The following RBFOX1 variants were observed in gnomAD, a reference collection of about 807,000 sequenced individuals.
The protein encoded by RBFOX1 is RNA binding protein fox-1 homolog 1.
Under a neutral mutation model 57.7 loss-of-function variants are expected in RBFOX1, and 8 were observed. That is an observed-to-expected ratio of 0.14 (90% CI 0.08 to 0.25). The LOEUF (loss-of-function observed/expected upper bound fraction) is 0.25. RBFOX1 is among the 10% of genes least tolerant of loss of function. The pLI is 1.00. For synonymous variants in RBFOX1, 326 were observed against 222.4 expected (o/e 1.47, Z -4.15); for missense variants, 611 against 548.5 (o/e 1.11, Z -1.14).
chr16:7,036,317 A>G (rs1052132089), intron 3 of RBFOX1, among the ~76,000 whole-genome samples: 2 of 152,134 alleles, frequency 1.3e-5, no homozygotes, highest in Non-Finnish European at 2.9e-5. Flanking sequence ...TTTCAGAAGC[A>G]GTAGCCAATT....
rs59540537 is a variant in RBFOX1, at chr16:7,618,506, C to T, written c.676+11168C>T. Among the ~76,000 whole-genome samples the T allele has an allele frequency of 5.6e-3, 845 of 151,988 alleles. 16 individuals carry two copies. Among genetic ancestry groups the T allele is most frequent in the East Asian group, 0.04 (208 of 5,160 alleles). ...TAAATCTTTTAAGAAAGTAAATTAC[C>T]AGCGATTTCAAACGCAAGGTGACAT... is the stretch of plus-strand genomic sequence containing the variant. On this transcript the variant is annotated intron_variant, in intron 10 of 15. Coordinates refer to ENST00000550418, the MANE Select transcript of RBFOX1 (RefSeq NM_018723.4).
At chr16:6,457,062 A>G (rs987104245) in intron 2 of RBFOX1, among the ~76,000 whole-genome samples, 1 of 152,176 alleles carries the variant, frequency 6.6e-6, no homozygotes, top group East Asian at 1.9e-4. Flanking sequence ...GCCTTGGAGT[A>G]TAAACAGGTT....
At chr16:5,566,570 A>G (rs1218260822) in intron 2 of RBFOX1, among the ~76,000 whole-genome samples, 1 of 150,416 alleles carries the variant, frequency 6.6e-6, no homozygotes, top group Non-Finnish European at 1.5e-5. Context: ...GAAAGTAGTT[A>G]TATATATATA....
intron 5 of RBFOX1, among the ~76,000 whole-genome samples, chr16:7,553,258 G>A (rs887375715): frequency 1.1e-4 from 17 of 152,106 alleles, no homozygotes; most frequent in Admixed American, 7.9e-4. Context: ...TATCTTCCCA[G>A]GTCAGCCTCT....
rs2042852717 is a variant in RBFOX1, at chr16:5,492,068, C to T, written c.258+24814C>T. On this transcript the variant is annotated intron_variant, in intron 2 of 2. Transcript: ENST00000585867. ...TGCCTGGGAGCTTGTTGGAACTGCA[C>T]ACTCTCGGGCTCTGTCCTAGACCTA... 2.0e-5 allele frequency among the ~76,000 whole-genome samples: 3 copies of T among 152,286 alleles called. No individual in the cohort carries two copies. The South Asian group carries it at 6.2e-4, about 32-fold the overall frequency.
chr16:7,062,892 C>G (rs1278777653), intron 4 of RBFOX1, among the ~76,000 whole-genome samples: 1 of 59,932 alleles, frequency 1.7e-5, no homozygotes, highest in African/African-American at 5.4e-5. Context: ...AAATGATCGC[C>G]ATTTTTTTTT....
chr16:6,113,264 G>C (rs1406134440), intron 1 of RBFOX1, among the ~76,000 whole-genome samples: 4 of 152,154 alleles, frequency 2.6e-5, no homozygotes, highest in African/African-American at 9.7e-5. Context: ...ATTGCAAAAG[G>C]GCATTTTAAG....
At chr16:7,676,455 T>C (rs1340783127) in intron 13 of RBFOX1, among the ~76,000 whole-genome samples, 1 of 152,170 alleles carries the variant, frequency 6.6e-6, no homozygotes, top group Non-Finnish European at 1.5e-5. Context: ...ATAAAGAGTA[T>C]TTAAATAATT....
At chr16:6,002,844 C>T (rs969045127) in intron 4 of RBFOX1, among the ~76,000 whole-genome samples, 4 of 151,634 alleles carry the variant, frequency 2.6e-5, no homozygotes, top group Non-Finnish European at 5.9e-5. Flanking sequence ...TGTGGACTCC[C>T]ATAGGGTTGT....
intron 1 of RBFOX1, among the ~76,000 whole-genome samples, chr16:6,094,826 G>T (rs1286723110): frequency 6.6e-6 from 1 of 152,240 alleles, no homozygotes; most frequent in African/African-American, 2.4e-5. Flanking sequence ...CACCTTGGGA[G>T]GCTGAGGCGG....
chr16:5,919,880 C>G (rs150674000), intron 4 of RBFOX1, among the ~76,000 whole-genome samples: 12 of 152,324 alleles, frequency 7.9e-5, no homozygotes, highest in Middle Eastern at 6.8e-3. Context: ...CCCTTTCTCT[C>G]TGCCTTTTTT....
At chr16:7,188,373 T>A (rs1029856283) in intron 4 of RBFOX1, among the ~76,000 whole-genome samples, 1 of 152,248 alleles carries the variant, frequency 6.6e-6, no homozygotes, top group Admixed American at 6.5e-5. Flanking sequence ...ATTTTCTGAA[T>A]GGGGTTTTAT....
chr16:6,767,828 C>T (rs969827764), intron 3 of RBFOX1, among the ~76,000 whole-genome samples: 7 of 151,474 alleles, frequency 4.6e-5, no homozygotes, highest in African/African-American at 1.5e-4. Flanking sequence ...GCAGGAGAAT[C>T]GCTTGAACCC....
In RBFOX1 at chr16:7,067,446, CT is replaced by C. The variant is rs780323330; in HGVS notation, c.27+15362del. The stretch of plus-strand genomic sequence containing the variant: ...CTTTTGGAGGCTCTAGGAGAGAATC[CT>C]TTTTTTTTTTTTTATCATTCTGATT... On this transcript the variant is annotated intron_variant, in intron 4 of 15. Transcript: ENST00000550418. 4.8e-3 allele frequency among the ~76,000 whole-genome samples: 674 copies of C among 141,396 alleles called. 1 individual carries two copies. Among genetic ancestry groups the C allele is most frequent in the East Asian group, 5.2e-3 (25 of 4,844 alleles). 92.8% of individuals were successfully genotyped at this position (141,396 alleles called of 152,430 possible). A position where few individuals can be genotyped will look rare whatever the true frequency, so the allele number is the denominator to read the frequency against.
intron 4 of RBFOX1, among the ~76,000 whole-genome samples, chr16:7,344,939 T>C (rs1198811409): frequency 6.6e-6 from 1 of 152,034 alleles, no homozygotes; most frequent in Non-Finnish European, 1.5e-5. Context: ...GATCAGTTTT[T>C]CCCCCACTGT....
intron 3 of RBFOX1, among the ~76,000 whole-genome samples, chr16:6,845,795 C>G (rs1041703507): frequency 1.3e-5 from 2 of 152,188 alleles, no homozygotes; most frequent in Admixed American, 1.3e-4. Context: ...AAGTAAGGCT[C>G]TTTCATATTT....
intron 1 of RBFOX1, among the ~76,000 whole-genome samples, chr16:6,026,075 A>T (rs760618936): frequency 1.3e-5 from 2 of 152,006 alleles, no homozygotes; most frequent in South Asian, 2.1e-4. Flanking sequence ...TCAGGTTACA[A>T]CTCAAAAGCC....
chr16:5,845,443 C>G (rs2056731391), intron 3 of RBFOX1, among the ~76,000 whole-genome samples: 2 of 152,126 alleles, frequency 1.3e-5, no homozygotes, highest in Non-Finnish European at 2.9e-5. Context: ...TTTCAGATCT[C>G]AGTTTATTTC....
intron 4 of RBFOX1, among the ~76,000 whole-genome samples, chr16:6,011,702 CATGT>C (rs1427771645): frequency 6.6e-6 from 1 of 152,202 alleles, no homozygotes; most frequent in Non-Finnish European, 1.5e-5. Flanking sequence ...ATGAAGCTTG[CATGT>C]GTCTCCCAAT....
Sources: allele counts gnomAD v4.1 joint callset (sites outside exome capture counted in the v4.1 genomes callset), GRCh38; gene constraint gnomAD v4.1.1; transcripts MANE v1.5; gene names NCBI Gene and HGNC (gene_info 2026-07-23, HGNC 2026-07-21).